Variants in KALRN observed in about 807,000 individuals in gnomAD.
The protein encoded by KALRN is kalirin.
Under a neutral mutation model 353.7 loss-of-function variants are expected in KALRN, and 70 were observed. That is an observed-to-expected ratio of 0.20 (90% CI 0.16 to 0.24). The LOEUF (loss-of-function observed/expected upper bound fraction) is 0.24, where lower values mean the gene tolerates loss of function less well. Ranked by LOEUF, KALRN falls within the 10% of genes least tolerant of loss-of-function variation. The pLI, the probability that KALRN is intolerant of heterozygous loss-of-function variation, is 1.00. For synonymous variants in KALRN, 1,391 were observed against 1,434.8 expected (o/e 0.97, Z 0.69); for missense variants, 2,791 against 3,756.7 (o/e 0.74, Z 6.72).
At chr3:124,685,268 T>C (rs1235308554) in intron 51 of KALRN, among the ~76,000 whole-genome samples, 1 of 152,168 alleles carries the variant, frequency 6.6e-6, no homozygotes, top group Non-Finnish European at 1.5e-5. Context: ...CAGACCGATT[T>C]ATATTCCGCC....
intron 1 of KALRN, among the ~76,000 whole-genome samples, chr3:124,045,094 G>T (rs144832290): frequency 2.6e-5 from 4 of 152,026 alleles, no homozygotes; most frequent in African/African-American, 9.7e-5. Flanking sequence ...TGGGGTGGGG[G>T]CACAATATTG....
At chr3:124,694,617 C>A in intron 53 of KALRN, 114 bp downstream of exon 53, 1 of 1,019,730 alleles carries the variant, frequency 9.8e-7, no homozygotes, top group Non-Finnish European at 1.4e-6. Context: ...AAGAGAATAG[C>A]TGCCCTGGAG....
intron 1 of KALRN, among the ~76,000 whole-genome samples, chr3:124,189,837 G>T (rs1417235089): frequency 2.0e-5 from 3 of 151,762 alleles, no homozygotes; most frequent in Non-Finnish European, 4.4e-5. Context: ...TGCTCAAGAG[G>T]CTGAGGCAGG....
intron 6 of KALRN, among the ~76,000 whole-genome samples, chr3:124,321,648 A>G (rs1262456973): frequency 6.6e-6 from 1 of 152,230 alleles, no homozygotes; most frequent in African/African-American, 2.4e-5. Context: ...CCAGTTAAGG[A>G]CTGCAGGATG....
chr3:124,201,706 T>A (rs948151807), intron 1 of KALRN, among the ~76,000 whole-genome samples: 1 of 152,202 alleles, frequency 6.6e-6, no homozygotes, highest in African/African-American at 2.4e-5. Flanking sequence ...CCCTGGGTGC[T>A]CCTAATCTAA....
In KALRN at chr3:124,416,982, A is replaced by G. The variant is rs866266463; in HGVS notation, c.2542+3317A>G. 8.5e-5 allele frequency among the ~76,000 whole-genome samples: 13 copies of G among 152,376 alleles called. No homozygotes were observed. In the Middle Eastern group the frequency reaches 0.01, roughly 120 times the overall value. On this transcript the variant is annotated intron_variant, in intron 14 of 59. Coordinates refer to ENST00000682506, the MANE Select transcript of KALRN (RefSeq NM_001388419.1). ...GCTTCTTTTCAAGTGTGAAGTTTAT[A>G]ATATTGAGCCAGGCTCTACTAAATC...
intron 39 of KALRN, among the ~76,000 whole-genome samples, chr3:124,656,509 G>A (rs2084057529): frequency 1.3e-5 from 2 of 152,306 alleles, no homozygotes; most frequent in Admixed American, 6.5e-5. Flanking sequence ...TACTCAGGAG[G>A]CCGAGGCAGG....
At chr3:124,206,080 G>A (rs558179868) in intron 1 of KALRN, among the ~76,000 whole-genome samples, 2 of 152,308 alleles carry the variant, frequency 1.3e-5, no homozygotes, top group South Asian at 4.1e-4. Flanking sequence ...ATATTAATAA[G>A]AGAGTGTTCC....
intron 1 of KALRN, among the ~76,000 whole-genome samples, chr3:124,043,396 A>T (rs746043119): frequency 1.1e-4 from 17 of 152,256 alleles, no homozygotes; most frequent in Non-Finnish European, 1.8e-4. Context: ...GGCAGGCATG[A>T]GGAAGAGACT....
intron 34 of KALRN, among the ~76,000 whole-genome samples, chr3:124,616,797 C>T (rs1480551841): frequency 6.6e-6 from 1 of 151,982 alleles, no homozygotes; most frequent in Non-Finnish European, 1.5e-5. Context: ...AACCCCGTCT[C>T]TACTAAAAAT....
At chr3:124,665,052 C>A (rs1179911058) in intron 45 of KALRN, among the ~76,000 whole-genome samples, 1 of 152,134 alleles carries the variant, frequency 6.6e-6, no homozygotes, top group African/African-American at 2.4e-5. Flanking sequence ...CAGTAAGGAG[C>A]CATGATCCAG....
At chr3:124,262,704 G>A (rs1235872060) in intron 3 of KALRN, among the ~76,000 whole-genome samples, 1 of 152,158 alleles carries the variant, frequency 6.6e-6, no homozygotes, top group African/African-American at 2.4e-5. Flanking sequence ...CTCTTAATGA[G>A]GCTGTAACAA....
chr3:124,107,157 G>A (rs2062387754), intron 1 of KALRN, among the ~76,000 whole-genome samples: 1 of 152,152 alleles, frequency 6.6e-6, no homozygotes, highest in Non-Finnish European at 1.5e-5. Flanking sequence ...TCTGTTAGAT[G>A]GGATAATGAG....
chr3:124,518,263 C>A, intron 33 of KALRN: 1 of 753,782 alleles, frequency 1.3e-6, no homozygotes, highest in Non-Finnish European at 2.4e-6. Flanking sequence ...TTTCAGGTTG[C>A]ACTCTGCACT....
intron 24 of KALRN, among the ~76,000 whole-genome samples, chr3:124,462,241 C>T (rs2059923080): frequency 6.6e-6 from 1 of 152,176 alleles, no homozygotes; most frequent in Admixed American, 6.5e-5. Context: ...AGTCAGTGAA[C>T]TTAAATTGGG....
At chr3:124,218,128 G>GT (rs1363649711) in intron 1 of KALRN, among the ~76,000 whole-genome samples, 1 of 152,196 alleles carries the variant, frequency 6.6e-6, no homozygotes, top group Non-Finnish European at 1.5e-5. Context: ...GGTTGGAGAG[G>GT]TGGTTGAGGG....
At chr3:124,374,494 A>G (rs1252422007) in intron 10 of KALRN, 1 of 152,230 alleles carries the variant, frequency 6.6e-6, no homozygotes, top group Non-Finnish European at 1.5e-5. Context: ...ACAGGGTGAA[A>G]GGACTTGAAA....
chr3:124,350,790 G>A (rs1162508875), intron 10 of KALRN, among the ~76,000 whole-genome samples: 1 of 152,116 alleles, frequency 6.6e-6, no homozygotes. Context: ...CTTCCAAAAG[G>A]CTCATGCTTT....
chr3:124,111,475 C>T (rs1175987037), intron 1 of KALRN, among the ~76,000 whole-genome samples: 2 of 152,114 alleles, frequency 1.3e-5, no homozygotes, highest in African/African-American at 4.8e-5. Flanking sequence ...CTTTGCGTCC[C>T]CTGAAGCACA....
Sources: allele counts gnomAD v4.1 joint callset (sites outside exome capture counted in the v4.1 genomes callset), GRCh38; gene constraint gnomAD v4.1.1; transcripts MANE v1.5; gene names NCBI Gene and HGNC (gene_info 2026-07-23, HGNC 2026-07-21).